Variants in TMEM47 observed in about 807,000 individuals in gnomAD.
TMEM47 encodes brain cell membrane protein 1.
In TMEM47, 3 loss-of-function variants were observed where a neutral mutation model predicts 12.4. The ratio of observed to expected loss-of-function variants is 0.24; its 90% CI spans 0.11 to 0.63. The LOEUF (loss-of-function observed/expected upper bound fraction) is 0.63. Among genes scored for constraint, TMEM47 ranks in the 20% least tolerant of loss-of-function variants. The pLI, the probability that TMEM47 is intolerant of heterozygous loss-of-function variation, is 0.86. For synonymous variants in TMEM47, 62 were observed against 63.3 expected, an observed-to-expected ratio of 0.98 and a Z score of 0.10; for missense variants, 89 against 143.8, an observed-to-expected ratio of 0.62 and a Z score of 1.95.
At chrX:34,637,679 C>T (rs756092400) in intron 2 of TMEM47, among the ~76,000 whole-genome samples, 5 of 110,500 alleles carry the variant, frequency 4.5e-5, no homozygotes, top group African/African-American at 1.3e-4. Flanking sequence ...AGCTACATGC[C>T]TTAGTCATTT....
rs901874475 is a variant in TMEM47 at position 34,630,579 on chromosome X, C to G, written c.368-88G>C. On this transcript the variant is annotated intron_variant, in intron 2 of 2. Coordinates refer to ENST00000275954, the MANE Select transcript of TMEM47 (RefSeq NM_031442.4). ...TGTAACTATATATGTATGAGAGTAA[C>G]TTTGTAATCAAATATACATAAAAGC... 2.7e-5 allele frequency: 24 copies of G among 900,888 alleles called. No individual in the cohort carries two copies. The African/African-American group carries it at 4.2e-4, about 16-fold the overall frequency. The allele number at this position is 900,888 out of a possible 1,213,427, so 74.2% of individuals were successfully genotyped here.
intron 1 of TMEM47, among the ~76,000 whole-genome samples, chrX:34,642,728 T>TCAAA (rs1921840986): frequency 8.9e-6 from 1 of 112,063 alleles, no homozygotes; most frequent in South Asian, 3.7e-4. Flanking sequence ...ATATGACTGC[T>TCAAA]CAAACAGAAA....
chrX:34,636,933 G>A (rs1292699644), intron 2 of TMEM47, among the ~76,000 whole-genome samples: 2 of 111,699 alleles, frequency 1.8e-5, no homozygotes, highest in African/African-American at 6.5e-5. Flanking sequence ...ATCCTCATTC[G>A]GGCTTTCAAG....
At chrX:34,654,507 A>T (rs1385433852) in intron 1 of TMEM47, among the ~76,000 whole-genome samples, 1 of 112,261 alleles carries the variant, frequency 8.9e-6, no homozygotes, top group Non-Finnish European at 1.9e-5. Flanking sequence ...AGACAAGAAA[A>T]GCACTGCTGG....
intron 2 of TMEM47, among the ~76,000 whole-genome samples, chrX:34,636,278 A>T (rs946054855): frequency 1.8e-5 from 2 of 111,592 alleles, no homozygotes; most frequent in Admixed American, 1.9e-4. Context: ...GAGATAGCTC[A>T]GAGATGGAAA....
chrX:34,641,195 T>C (rs984408888), intron 1 of TMEM47, among the ~76,000 whole-genome samples: 3 of 110,866 alleles, frequency 2.7e-5, no homozygotes, highest in Non-Finnish European at 3.8e-5. Context: ...ATGATGGAAA[T>C]CCTTCTAAAA....
In TMEM47 at chrX:34,630,504, C is replaced by A; in HGVS notation, c.368-13G>T. The A allele has an allele frequency of 8.5e-7, 1 of 1,174,578 alleles. No individual in the cohort carries two copies. The highest frequency in any genetic ancestry group is 1.1e-6 in the Non-Finnish European group (1 of 873,351). ...ACCTGTAAAACAACTGAAAGAAAAG[C>A]AAATCAAAATTAGAAAATGTTATTT... On this transcript the variant is annotated splice_polypyrimidine_tract_variant and intron_variant, in intron 2 of 2. Coordinates refer to ENST00000275954, the MANE Select transcript of TMEM47 (RefSeq NM_031442.4).
At position 34,628,044 on chromosome X, in the gene TMEM47, CTT is replaced by C. The variant is rs943857161; in HGVS notation, c.*2267_*2268del. ...CTTCAACCTATAACATATTCTGTCACTTTGAGCTTGTCATATTGACAGAGAAT... is the reference window on the plus strand; with the variant it reads ...CTTCAACCTATAACATATTCTGTCACTGAGCTTGTCATATTGACAGAGAAT... On this transcript the variant is annotated 3_prime_UTR_variant, in exon 3 of 3. Transcript: ENST00000275954. 7.1e-5 allele frequency: 8 copies of C among 111,901 alleles called. No individual in the cohort carries two copies. Among genetic ancestry groups the C allele is most frequent in the African/African-American group, 2.6e-4 (8 of 30,749 alleles). The allele number at this position is 111,901 out of a possible 1,213,427, so 9.2% of individuals were successfully genotyped here.
chrX:34,639,473 G>T, intron 1 of TMEM47, 86 bp from the exon 2 acceptor site: 1 of 935,326 alleles, frequency 1.1e-6, no homozygotes, highest in Non-Finnish European at 1.5e-6. Flanking sequence ...CCTTGCAGTG[G>T]CTCAACAGAT....
chrX:34,655,903 G>A (rs1922098922), intron 1 of TMEM47, among the ~76,000 whole-genome samples: 1 of 111,801 alleles, frequency 8.9e-6, no homozygotes, highest in Non-Finnish European at 1.9e-5. Context: ...GGTTTGTAGC[G>A]AGAAATCATA....
At chrX:34,635,258 T>C (rs1370004982) in intron 2 of TMEM47, among the ~76,000 whole-genome samples, 1 of 112,155 alleles carries the variant, frequency 8.9e-6, no homozygotes, top group Non-Finnish European at 1.9e-5. Context: ...ACACCGGTTT[T>C]TAAAGTTTCC....
At chrX:34,642,015 C>G in intron 1 of TMEM47, among the ~76,000 whole-genome samples, 2 of 112,271 alleles carry the variant, frequency 1.8e-5, no homozygotes, top group Non-Finnish European at 3.8e-5. Context: ...TGCCACCACG[C>G]CCAGTTAATT....
chrX:34,657,237 G>A lies in TMEM47; in HGVS notation c.-208C>T. ...GGTGTGGGTCGTCGGCAGCCGCAGC[G>A]ACGTCGATTCCACCCCGGACCTTCG... On this transcript the variant is annotated 5_prime_UTR_variant, in exon 1 of 3. Transcript: ENST00000275954. The A allele has an allele frequency of 2.0e-6, 1 of 494,371 alleles. No individual in the cohort carries two copies. The highest frequency in any genetic ancestry group is 2.8e-6 in the Non-Finnish European group (1 of 361,279). 40.7% of individuals were successfully genotyped at this position (494,371 alleles called of 1,213,427 possible).
At chrX:34,639,021 G>A (rs1368594232) in intron 2 of TMEM47, among the ~76,000 whole-genome samples, 2 of 111,864 alleles carry the variant, frequency 1.8e-5, no homozygotes, top group Non-Finnish European at 3.8e-5. Flanking sequence ...ATTTGTTCAT[G>A]CTTTAGTCAG....
At chrX:34,654,670 A>G (rs1922073293) in intron 1 of TMEM47, among the ~76,000 whole-genome samples, 1 of 111,766 alleles carries the variant, frequency 8.9e-6, no homozygotes, top group Non-Finnish European at 1.9e-5. Context: ...GTGTCCCACC[A>G]TCACCGTGGA....
At position 34,630,326 on chromosome X, in the gene TMEM47, T is replaced by C. The variant is rs749264967; in HGVS notation, c.533A>G (p.Glu178Gly). The change falls in exon 3 of 3, where the codon GAA (glutamate) becomes GGA (glycine). Residue 178 changes from glutamate to glycine, a missense_variant. By Grantham distance (98) the Glu-to-Gly change is moderately conservative. Coordinates refer to ENST00000275954, the MANE Select transcript of TMEM47 (RefSeq NM_031442.4). Reference sequence around the variant, plus strand: ...AGACTATTGGTTCTAGTAGTAGTCTTCATAGTTCTTAGGGTTCAGGCAATA... The same window carrying C: ...AGACTATTGGTTCTAGTAGTAGTCTCCATAGTTCTTAGGGTTCAGGCAATA... ...ILYCLNPKNY[E>G]DYY is the part of the protein sequence containing the mutation. 18 of 1,207,954 alleles carry C rather than the reference T, an allele frequency of 1.5e-5. No individual in the cohort carries two copies. The highest frequency in any genetic ancestry group is 1.8e-5 in the Non-Finnish European group (16 of 893,576).
intron 1 of TMEM47, among the ~76,000 whole-genome samples, chrX:34,653,585 G>C (rs1922053855): frequency 9.0e-6 from 1 of 111,189 alleles, no homozygotes; most frequent in Admixed American, 9.6e-5. Context: ...TCAAATTTAG[G>C]GCATCAGCAT....
At chrX:34,654,987 C>G (rs1922078740) in intron 1 of TMEM47, among the ~76,000 whole-genome samples, 1 of 111,475 alleles carries the variant, frequency 9.0e-6, no homozygotes, top group Admixed American at 9.5e-5. Context: ...GCTTGCGTCT[C>G]CATATTTCCT....
chrX:34,654,684 C>CA (rs1172510948), intron 1 of TMEM47, among the ~76,000 whole-genome samples: 1 of 111,556 alleles, frequency 9.0e-6, no homozygotes, highest in African/African-American at 3.3e-5. Flanking sequence ...CCGTGGAGAG[C>CA]AAAAAATGAA....
Sources: gnomAD v4.1 joint callset for allele counts (sites outside exome capture counted in the v4.1 genomes callset) on GRCh38, gnomAD v4.1.1 for gene constraint, MANE v1.5 for transcripts, NCBI Gene and HGNC (gene_info 2026-07-23, HGNC 2026-07-21) for gene names.